Variants in RBFOX1 observed in about 807,000 individuals in gnomAD.
The protein encoded by RBFOX1 is RNA binding fox-1 homolog 1, also known as RNA binding protein fox-1 homolog 1.
Under a neutral mutation model 57.7 loss-of-function variants are expected in RBFOX1, and 8 were observed. That is an observed-to-expected ratio of 0.14 (90% CI 0.08 to 0.25). The LOEUF (loss-of-function observed/expected upper bound fraction) is 0.25, where lower values mean the gene tolerates loss of function less well. RBFOX1 is among the 10% of genes least tolerant of loss of function. The pLI, the probability that RBFOX1 is intolerant of heterozygous loss-of-function variation, is 1.00. For synonymous variants in RBFOX1, 326 were observed against 222.4 expected (o/e 1.47, Z -4.15); for missense variants, 611 against 548.5 (o/e 1.11, Z -1.14).
At chr16:6,698,369 G>A (rs1286797023) in intron 3 of RBFOX1, among the ~76,000 whole-genome samples, 1 of 152,132 alleles carries the variant, frequency 6.6e-6, no homozygotes, top group African/African-American at 2.4e-5. Flanking sequence ...AAATTTTTAA[G>A]AGAACACAAT....
chr16:7,054,590 A>G (rs1461903424), intron 4 of RBFOX1, among the ~76,000 whole-genome samples: 2 of 151,204 alleles, frequency 1.3e-5, no homozygotes, highest in Non-Finnish European at 2.9e-5. Flanking sequence ...TTAGAACTGG[A>G]AGGTAAATAC....
At chr16:6,048,068 A>G (rs2095513919) in intron 1 of RBFOX1, among the ~76,000 whole-genome samples, 1 of 152,228 alleles carries the variant, frequency 6.6e-6, no homozygotes, top group African/African-American at 2.4e-5. Flanking sequence ...TAAAATAAAT[A>G]CAGCCATTTG....
chr16:6,785,879 C>A (rs115078172), intron 3 of RBFOX1, among the ~76,000 whole-genome samples: 37 of 152,288 alleles, frequency 2.4e-4, no homozygotes, highest in African/African-American at 8.7e-4. Context: ...TGATGCTGCT[C>A]CTCAGGCTCC....
chr16:5,396,707 A>G (rs917427304), intron 1 of RBFOX1, among the ~76,000 whole-genome samples: 1 of 152,232 alleles, frequency 6.6e-6, no homozygotes, highest in African/African-American at 2.4e-5. Flanking sequence ...CTACCTTATC[A>G]GTCATGGACT....
At chr16:5,908,727 C>A (rs540080838) in intron 4 of RBFOX1, among the ~76,000 whole-genome samples, 3 of 152,122 alleles carry the variant, frequency 2.0e-5, no homozygotes, top group South Asian at 4.2e-4. Flanking sequence ...CTCGTGGGCC[C>A]CTGCTATAGA....
chr16:6,957,103 T>TA (rs1255872630), intron 3 of RBFOX1, among the ~76,000 whole-genome samples: 12 of 137,026 alleles, frequency 8.8e-5, no homozygotes, highest in Non-Finnish European at 1.3e-4. Flanking sequence ...TTATTTTATT[T>TA]TTTTATTTTT....
At chr16:7,471,054 A>G (rs1201901666) in intron 4 of RBFOX1, among the ~76,000 whole-genome samples, 2 of 152,142 alleles carry the variant, frequency 1.3e-5, no homozygotes, top group Non-Finnish European at 2.9e-5. Context: ...ATAATAGGAG[A>G]AAATAAGGAA....
At chr16:5,435,504 C>G (rs544980004) in intron 1 of RBFOX1, among the ~76,000 whole-genome samples, 2 of 152,322 alleles carry the variant, frequency 1.3e-5, no homozygotes, top group Non-Finnish European at 2.9e-5. Context: ...GGATCTCCCT[C>G]TGTAAGATGG....
intron 4 of RBFOX1, among the ~76,000 whole-genome samples, chr16:7,364,217 G>T (rs1279727287): frequency 6.6e-6 from 1 of 152,190 alleles, no homozygotes; most frequent in Non-Finnish European, 1.5e-5. Context: ...CTTGGGATGT[G>T]CCGGGCTAGC....
chr16:6,288,354 C>T (rs999855861), intron 1 of RBFOX1, among the ~76,000 whole-genome samples: 1 of 152,098 alleles, frequency 6.6e-6, no homozygotes, highest in Non-Finnish European at 1.5e-5. Flanking sequence ...AATATAGATT[C>T]AGATTTGGAA....
At chr16:6,964,138 C>T (rs967737382) in intron 3 of RBFOX1, among the ~76,000 whole-genome samples, 1 of 152,190 alleles carries the variant, frequency 6.6e-6, no homozygotes, top group Non-Finnish European at 1.5e-5. Flanking sequence ...CTGCCTCAGC[C>T]TCCCAAGTAG....
chr16:5,940,941 A>C (rs958290311), intron 4 of RBFOX1, among the ~76,000 whole-genome samples: 4 of 152,074 alleles, frequency 2.6e-5, no homozygotes, highest in African/African-American at 9.7e-5. Context: ...CTCGGTTTGA[A>C]TCTCAATTCT....
intron 1 of RBFOX1, among the ~76,000 whole-genome samples, chr16:6,208,168 A>C (rs1702768463): frequency 6.6e-6 from 1 of 152,058 alleles, no homozygotes; most frequent in African/African-American, 2.4e-5. Flanking sequence ...TGTTTTATAT[A>C]ATGTAGAGTA....
At chr16:7,309,544 G>C (rs912244633) in intron 4 of RBFOX1, among the ~76,000 whole-genome samples, 10 of 152,170 alleles carry the variant, frequency 6.6e-5, no homozygotes, top group African/African-American at 2.4e-4. Flanking sequence ...TGTGTTATTA[G>C]TGCTCACCCG....
chr16:5,813,744 C>T (rs1247939903), intron 3 of RBFOX1, among the ~76,000 whole-genome samples: 1 of 152,188 alleles, frequency 6.6e-6, no homozygotes, highest in Non-Finnish European at 1.5e-5. Context: ...GAGCTACTGG[C>T]ATCAGCACGT....
chr16:7,271,441 G>A (rs1017115550), intron 4 of RBFOX1, among the ~76,000 whole-genome samples: 2 of 151,800 alleles, frequency 1.3e-5, no homozygotes, highest in African/African-American at 2.4e-5. Flanking sequence ...TGATGCCTTG[G>A]TGACCCAGGA....
At chr16:5,899,144 C>CAAAAAA (rs35163906) in intron 4 of RBFOX1, among the ~76,000 whole-genome samples, 2 of 100,080 alleles carry the variant, frequency 2.0e-5, no homozygotes, top group African/African-American at 8.0e-5. Context: ...GACCCTGTCT[C>CAAAAAA]AAAAAAAAAA....
At chr16:7,558,697 C>G (rs181175750) in intron 5 of RBFOX1, among the ~76,000 whole-genome samples, 1 of 152,126 alleles carries the variant, frequency 6.6e-6, no homozygotes, top group Admixed American at 6.5e-5. Context: ...CCACCAGCTA[C>G]CCCAGGCTGA....
intron 2 of RBFOX1, among the ~76,000 whole-genome samples, chr16:6,319,775 G>A (rs888188984): frequency 2.6e-5 from 4 of 152,104 alleles, no homozygotes; most frequent in Non-Finnish European, 5.9e-5. Flanking sequence ...TAGCAGGGTC[G>A]GTGTTGGAAC....
Sources: allele counts gnomAD v4.1 joint callset (sites outside exome capture counted in the v4.1 genomes callset), GRCh38; gene constraint gnomAD v4.1.1; transcripts MANE v1.5; gene names NCBI Gene and HGNC (gene_info 2026-07-23, HGNC 2026-07-21).